Variants in NOSTRIN observed in about 807,000 individuals in gnomAD.
NOSTRIN encodes the protein nitric oxide synthase trafficking, also known as BM247 homolog.
NOSTRIN carries 63 observed loss-of-function variants against 59.0 expected under a neutral mutation model. That is an observed-to-expected ratio of 1.07 (90% CI 0.87 to 1.32). The LOEUF (loss-of-function observed/expected upper bound fraction) is 1.32. Among genes scored for constraint, NOSTRIN ranks in the 40% most tolerant of loss-of-function variants. NOSTRIN has a pLI of 0.00. For synonymous variants in NOSTRIN, 200 were observed against 165.4 expected (o/e 1.21, Z -1.61); for missense variants, 512 against 473.1 (o/e 1.08, Z -0.76).
chr2:168,806,075 C>T (rs186746398), intron 1 of NOSTRIN, among the ~76,000 whole-genome samples: 47 of 152,174 alleles, frequency 3.1e-4, no homozygotes, highest in African/African-American at 1.0e-3. Context: ...CCAAATACTA[C>T]GCAGATGGTG....
intron 8 of NOSTRIN, among the ~76,000 whole-genome samples, chr2:168,847,856 T>C (rs1451107663): frequency 1.3e-5 from 2 of 152,252 alleles, no homozygotes; most frequent in East Asian, 3.8e-4. Flanking sequence ...TATTTCCTCC[T>C]CTTCTTATGA....
rs117394461 is a variant in NOSTRIN, at chr2:168,865,054, T to C, written c.*84T>C. On this transcript the variant is annotated 3_prime_UTR_variant, in exon 16 of 16. Transcript: ENST00000317647. ...AATAAGAATAAAGTGCTCTTACCTT[T>C]ACATGTTTTTCTTTTGAAATGGATG... 1.0e-4 allele frequency: 152 copies of C among 1,450,524 alleles called. No homozygotes were observed. In the East Asian group the frequency reaches 3.3e-3, roughly 31 times the overall value. The allele number at this position is 1,450,524 out of a possible 1,614,324, so 89.9% of individuals were successfully genotyped here. A position where few individuals can be genotyped will look rare whatever the true frequency, so the allele number is the denominator to read the frequency against.
Position 168,834,228 on chromosome 2 carries a change from C to T in NOSTRIN, c.407C>T (p.Ala136Val), listed in dbSNP as rs1305922844. The T allele has an allele frequency of 1.1e-6, 1 of 871,760 alleles. No homozygotes were observed. The highest frequency in any genetic ancestry group is 2.4e-5 in the East Asian group (1 of 41,674). The allele number at this position is 871,760 out of a possible 1,614,324, so 54.0% of individuals were successfully genotyped here. ...TTGTTTGTATGTTTTTTACTCTAGGCCAAGAAGAAATTAATGGTTAGTACC... is the reference window on the plus strand; with the variant it reads ...TTGTTTGTATGTTTTTTACTCTAGGTCAAGAAGAAATTAATGGTTAGTACC... ...VISNWNQQIK[A>V]KKKLMVSTKK... is the part of the protein sequence containing the mutation. Residue 136 changes from alanine to valine, a missense_variant and splice_region_variant, in exon 7 of 16, where the codon GCC becomes GTC. Transcript: ENST00000317647.
chr2:168,797,796 G>GGT (rs1685525619), upstream of NOSTRIN, among the ~76,000 whole-genome samples: 3 of 151,892 alleles, frequency 2.0e-5, no homozygotes, highest in South Asian at 6.2e-4. Flanking sequence ...TGGGCAACAT[G>GGT]GTGAGACCCT....
chr2:168,797,612 A>G (rs1269285263), upstream of NOSTRIN, among the ~76,000 whole-genome samples: 1 of 152,106 alleles, frequency 6.6e-6, no homozygotes, highest in Non-Finnish European at 1.5e-5. Flanking sequence ...CAAAAATAAC[A>G]TGTCATCATC....
chr2:168,798,410 A>G (rs958548772), upstream of NOSTRIN, among the ~76,000 whole-genome samples: 1 of 152,226 alleles, frequency 6.6e-6, no homozygotes, highest in Admixed American at 6.5e-5. Context: ...CCAACACCCA[A>G]TATTTGTTTG....
At chr2:168,813,563 T>G (rs1273165228) in intron 2 of NOSTRIN, among the ~76,000 whole-genome samples, 1 of 152,174 alleles carries the variant, frequency 6.6e-6, no homozygotes, top group Non-Finnish European at 1.5e-5. Context: ...GGCTGCCATC[T>G]GCCCTGGACC....
chr2:168,864,492 G>C (rs569119365), intron 15 of NOSTRIN, among the ~76,000 whole-genome samples: 1 of 66,362 alleles, frequency 1.5e-5, no homozygotes, highest in East Asian at 6.1e-4. Context: ...CACCATGTTG[G>C]TCAGGCTGGT....
intron 8 of NOSTRIN, among the ~76,000 whole-genome samples, chr2:168,845,340 T>C (rs1258085949): frequency 1.3e-5 from 2 of 152,154 alleles, no homozygotes; most frequent in Non-Finnish European, 2.9e-5. Context: ...GGGAGAGACA[T>C]TTCTGCTCCC....
upstream of NOSTRIN, chr2:168,802,263 A>C (rs569809890): frequency 5.0e-6 from 1 of 200,684 alleles, no homozygotes; most frequent in South Asian, 9.2e-5. Context: ...GAAAATAAAA[A>C]GCATGATTAA....
intron 3 of NOSTRIN, among the ~76,000 whole-genome samples, chr2:168,825,284 T>C (rs1686998271): frequency 6.6e-6 from 1 of 152,244 alleles, no homozygotes; most frequent in Admixed American, 6.5e-5. Flanking sequence ...AAGTTCAAGA[T>C]ACTTCCCCCA....
chr2:168,789,778 A>C (rs1685300997), intron 2 of NOSTRIN, among the ~76,000 whole-genome samples: 1 of 152,202 alleles, frequency 6.6e-6, no homozygotes, highest in African/African-American at 2.4e-5. Flanking sequence ...AAACTGCTTA[A>C]AGTAGCTGGT....
chr2:168,823,569 G>A (rs829960), intron 2 of NOSTRIN, among the ~76,000 whole-genome samples: 11,277 of 152,204 alleles, frequency 0.074, 500 homozygotes, highest in Non-Finnish European at 0.1. Context: ...CTGTGTACAT[G>A]TCTGTTTATG....
chr2:168,827,483 T>G (rs1392100388), intron 3 of NOSTRIN, among the ~76,000 whole-genome samples: 1 of 152,216 alleles, frequency 6.6e-6, no homozygotes, highest in Admixed American at 6.5e-5. Context: ...TTTTTTCATA[T>G]CTATGTGTCC....
upstream of NOSTRIN, among the ~76,000 whole-genome samples, chr2:168,796,285 T>G (rs1685476564): frequency 6.6e-6 from 1 of 152,178 alleles, no homozygotes; most frequent in Admixed American, 6.5e-5. Context: ...CATGTTAAGG[T>G]GTGTCAAGAC....
intron 15 of NOSTRIN, among the ~76,000 whole-genome samples, chr2:168,864,491 G>C (rs548971705): frequency 3.8e-4 from 25 of 66,230 alleles, no homozygotes; most frequent in Admixed American, 2.5e-3. Flanking sequence ...TCACCATGTT[G>C]GTCAGGCTGG....
At position 168,834,082 on chromosome 2, in the gene NOSTRIN, C is replaced by T. The variant is rs541363330; in HGVS notation, c.406-145C>T. 3 of 566,138 alleles carry T rather than the reference C, an allele frequency of 5.3e-6. No homozygotes were observed. In the Admixed American group the frequency reaches 9.6e-5, roughly 18 times the overall value. The allele number at this position is 566,138 out of a possible 1,614,324, so 35.1% of individuals were successfully genotyped here. A position where few individuals can be genotyped will look rare whatever the true frequency, so the allele number is the denominator to read the frequency against. ...ATGGGAATGAAGAACTAAAAGTACA[C>T]ATTTTTGTTTCAGCCTTTGGAGGAT... is the stretch of plus-strand genomic sequence containing the variant. On this transcript the variant is annotated intron_variant, in intron 6 of 15. Transcript: ENST00000317647.
chr2:168,797,619 C>G (rs1253015963), upstream of NOSTRIN, among the ~76,000 whole-genome samples: 1 of 152,042 alleles, frequency 6.6e-6, no homozygotes, highest in Non-Finnish European at 1.5e-5. Flanking sequence ...AACATGTCAT[C>G]ATCTCAACTG....
At chr2:168,824,825 A>G in intron 3 of NOSTRIN, 108 bp downstream of exon 3, 2 of 648,144 alleles carry the variant, frequency 3.1e-6, no homozygotes, top group Non-Finnish European at 5.7e-6. Context: ...TACCTGGGTT[A>G]GAGTGCAGTG....
Sources: allele counts gnomAD v4.1 joint callset (sites outside exome capture counted in the v4.1 genomes callset), GRCh38; gene constraint gnomAD v4.1.1; transcripts MANE v1.5; gene names NCBI Gene and HGNC (gene_info 2026-07-23, HGNC 2026-07-21).